Variants in PRR16 observed in about 807,000 individuals in gnomAD.
PRR16 encodes proline rich 16.
In PRR16, 6 loss-of-function variants were observed where a neutral mutation model predicts 18.2. That is an observed-to-expected ratio of 0.33 (90% confidence interval 0.18 to 0.65). PRR16 has a LOEUF of 0.65. PRR16 is among the 30% of genes least tolerant of loss of function. PRR16 has a pLI of 0.74. For synonymous variants in PRR16, 151 were observed against 147.8 expected (o/e 1.02, Z -0.16); for missense variants, 412 against 376.6 (o/e 1.09, Z -0.78).
the PRR16 span, among the ~76,000 whole-genome samples, chr5:120,749,197 A>G: frequency 6.6e-6 from 1 of 152,078 alleles, no homozygotes; most frequent in East Asian, 1.9e-4. Context: ...TAAAGGTATG[A>G]TTTGAAAATT....
At chr5:120,752,253 G>C in the PRR16 span, among the ~76,000 whole-genome samples, 2 of 151,980 alleles carry the variant, frequency 1.3e-5, no homozygotes, top group Non-Finnish European at 2.9e-5. Flanking sequence ...GACAAGAGAA[G>C]ACCCATGTGA....
intron 1 of PRR16, among the ~76,000 whole-genome samples, chr5:120,476,211 A>G (rs1221927983): frequency 2.0e-5 from 3 of 152,092 alleles, no homozygotes; most frequent in African/African-American, 7.2e-5. Flanking sequence ...ATCTCCTGTT[A>G]CTTAAAATGT....
intron 1 of PRR16, among the ~76,000 whole-genome samples, chr5:120,605,329 C>T (rs962613550): frequency 6.6e-6 from 1 of 152,198 alleles, no homozygotes; most frequent in Non-Finnish European, 1.5e-5. Context: ...ATTAATGCTT[C>T]AAATTGCATT....
chr5:120,610,137 T>C (rs1754287576), intron 1 of PRR16, among the ~76,000 whole-genome samples: 1 of 152,140 alleles, frequency 6.6e-6, no homozygotes, highest in African/African-American at 2.4e-5. Context: ...CCTCCATTGC[T>C]CTTCATCTGT....
intron 1 of PRR16, among the ~76,000 whole-genome samples, chr5:120,577,105 T>C (rs1753103849): frequency 6.6e-6 from 1 of 152,154 alleles, no homozygotes; most frequent in Non-Finnish European, 1.5e-5. Context: ...TAAAAATGTG[T>C]GAATAATTGC....
At chr5:120,469,150 T>G (rs1420175898) in intron 1 of PRR16, among the ~76,000 whole-genome samples, 1 of 152,216 alleles carries the variant, frequency 6.6e-6, no homozygotes, top group East Asian at 1.9e-4. Context: ...GAAAACAGAA[T>G]TAACAATTAT....
intron 1 of PRR16, among the ~76,000 whole-genome samples, chr5:120,604,679 A>G (rs568883844): frequency 7.1e-4 from 108 of 151,918 alleles, no homozygotes; most frequent in African/African-American, 2.6e-3. Flanking sequence ...TTGTGGTGGA[A>G]GTTTCTGTGT....
chr5:120,636,572 C>G (rs892069963), intron 1 of PRR16, among the ~76,000 whole-genome samples: 1 of 152,152 alleles, frequency 6.6e-6, no homozygotes, highest in East Asian at 1.9e-4. Flanking sequence ...GGGTAACTGG[C>G]TAGCCACATG....
intron 1 of PRR16, among the ~76,000 whole-genome samples, chr5:120,676,080 G>A (rs931139322): frequency 2.0e-5 from 3 of 152,090 alleles, no homozygotes; most frequent in Non-Finnish European, 4.4e-5. Flanking sequence ...CTTTCTGACA[G>A]TATGATTAGA....
At chr5:120,784,396 T>G in the PRR16 span, among the ~76,000 whole-genome samples, 1 of 152,196 alleles carries the variant, frequency 6.6e-6, no homozygotes, top group East Asian at 1.9e-4. Context: ...ATAAAAACCA[T>G]TTTTAACTGG....
At chr5:120,675,691 A>G (rs953755463) in intron 1 of PRR16, among the ~76,000 whole-genome samples, 13 of 152,180 alleles carry the variant, frequency 8.5e-5, no homozygotes, top group Admixed American at 3.3e-4. Flanking sequence ...GGTCAGTCTC[A>G]TTTAAACTAG....
At chr5:120,489,074 A>T (rs1749923576) in intron 1 of PRR16, among the ~76,000 whole-genome samples, 1 of 152,186 alleles carries the variant, frequency 6.6e-6, no homozygotes, top group Non-Finnish European at 1.5e-5. Flanking sequence ...ACTTCCAAGT[A>T]TGTGGTCAAT....
At chr5:120,571,428 GTAAGATA>G (rs1752903996) in intron 1 of PRR16, among the ~76,000 whole-genome samples, 1 of 152,242 alleles carries the variant, frequency 6.6e-6, no homozygotes, top group African/African-American at 2.4e-5. Context: ...ATAAATAATG[GTAAGATA>G]TAAGGTCAGA....
the PRR16 span, among the ~76,000 whole-genome samples, chr5:120,698,829 A>G: frequency 6.6e-6 from 1 of 152,106 alleles, no homozygotes; most frequent in African/African-American, 2.4e-5. Context: ...TTTCTTGAAG[A>G]TGGAGGACCG....
chr5:120,586,403 C>A (rs568699691), intron 1 of PRR16, among the ~76,000 whole-genome samples: 85 of 152,200 alleles, frequency 5.6e-4, no homozygotes, highest in African/African-American at 1.9e-3. Flanking sequence ...TATTACGATT[C>A]ACTTTTTTGT....
intron 1 of PRR16, among the ~76,000 whole-genome samples, chr5:120,538,253 C>A (rs1268247623): frequency 6.6e-6 from 1 of 152,122 alleles, no homozygotes; most frequent in Non-Finnish European, 1.5e-5. Context: ...GATATTTCTA[C>A]CATCCTCTTT....
chr5:120,588,306 A>C (rs1405416615), intron 1 of PRR16, among the ~76,000 whole-genome samples: 1 of 152,188 alleles, frequency 6.6e-6, no homozygotes, highest in Non-Finnish European at 1.5e-5. Flanking sequence ...CCAATTTTGA[A>C]AGAAATTCTA....
At chr5:120,549,662 G>A (rs1752190875) in intron 1 of PRR16, among the ~76,000 whole-genome samples, 1 of 151,932 alleles carries the variant, frequency 6.6e-6, no homozygotes, top group Admixed American at 6.6e-5. Context: ...GGCTAAAGTA[G>A]ATAGGGTGGG....
intron 1 of PRR16, among the ~76,000 whole-genome samples, chr5:120,608,192 G>GT (rs1754217965): frequency 6.6e-6 from 1 of 152,118 alleles, no homozygotes; most frequent in Admixed American, 6.5e-5. Context: ...GAAATCCAGA[G>GT]GTTTCTGATA....
Sources: allele counts gnomAD v4.1 joint callset (sites outside exome capture counted in the v4.1 genomes callset), GRCh38; gene constraint gnomAD v4.1.1; transcripts MANE v1.5; gene names NCBI Gene and HGNC (gene_info 2026-07-23, HGNC 2026-07-21).